The following RYR3 variants were observed in gnomAD, a reference collection of about 807,000 sequenced individuals.
The protein encoded by RYR3 is ryanodine receptor 3, also known as brain ryanodine receptor-calcium release channel.
Under a neutral mutation model 584.3 loss-of-function variants are expected in RYR3, and 207 were observed. The observed-to-expected ratio is 0.35, with a 90% CI of 0.32 to 0.40. The LOEUF is 0.40. Among genes scored for constraint, RYR3 ranks in the 10% least tolerant of loss-of-function variants. The pLI, the probability that RYR3 is intolerant of heterozygous loss-of-function variation, is 1.00. For missense variants in RYR3, 5,616 were observed against 6,089.2 expected, an observed-to-expected ratio of 0.92 and a Z score of 2.59; for synonymous variants, 2,416 against 2,248.5, an observed-to-expected ratio of 1.07 and a Z score of -2.11.
rs1167971587 is a variant in RYR3 at position 33,662,477 on chromosome 15, G to A, written c.4947G>A (p.Arg1649=). 6.2e-7 allele frequency: 1 copy of A among 1,613,990 alleles called. No homozygotes were observed. Among genetic ancestry groups the A allele is most frequent in the East Asian group, 2.2e-5 (1 of 44,888 alleles). The part of the protein sequence containing the change: ...NIRLFPDESK[R]HGLPGVGLRT... ...GCCTCTTCCCGGACGAGTCCAAGAG[G>A]CATGGACTGCCTGGGGTGGGCCTGA... is the stretch of plus-strand genomic sequence containing the variant. The change falls in exon 35 of 104, where the codon AGG becomes AGA. Residue 1649 remains arginine (R), a synonymous_variant. Coordinates refer to ENST00000634891, the MANE Select transcript of RYR3 (RefSeq NM_001036.6).
At chr15:33,340,357 G>C (rs933328023) in intron 1 of RYR3, among the ~76,000 whole-genome samples, 5 of 152,164 alleles carry the variant, frequency 3.3e-5, no homozygotes, top group African/African-American at 1.2e-4. Context: ...TGTTTCTTTT[G>C]ATGTTGGAGG....
intron 85 of RYR3, among the ~76,000 whole-genome samples, chr15:33,830,265 A>G (rs113025784): frequency 0.012 from 1,812 of 152,350 alleles, 48 homozygotes; most frequent in African/African-American, 0.041. Flanking sequence ...AACCTTCAGC[A>G]GCCACCACCC....
chr15:33,742,520 A>AC (rs2070251393), intron 52 of RYR3, 76 bp downstream of exon 52: 12 of 942,720 alleles, frequency 1.3e-5, no homozygotes, highest in Non-Finnish European at 1.7e-6. Flanking sequence ...CAGTCCTGGA[A>AC]ATCTGCCTGA....
At chr15:33,760,746 G>A (rs1220443414) in intron 60 of RYR3, among the ~76,000 whole-genome samples, 4 of 152,016 alleles carry the variant, frequency 2.6e-5, no homozygotes, top group East Asian at 1.9e-4. Context: ...TGGATCAAGC[G>A]GACTTAATAG....
Position 33,624,037 on chromosome 15 carries a change from GC to G in RYR3, c.2574+17del, listed in dbSNP as rs1330894378. 1 of 1,587,518 alleles carries G rather than the reference GC, an allele frequency of 6.3e-7. No individual in the cohort carries two copies. The highest frequency in any genetic ancestry group is 8.6e-7 in the Non-Finnish European group (1 of 1,157,008). ...GACACCAGTCAGGTAGGTTCAAATT[GC>G]CCGCAGAAGGCAACCAATATAGATG... is the stretch of plus-strand genomic sequence containing the variant. On this transcript the variant is annotated intron_variant, in intron 20 of 103. Transcript: ENST00000634891.
At chr15:33,436,245 G>C (rs1462842401) in intron 1 of RYR3, among the ~76,000 whole-genome samples, 1 of 151,888 alleles carries the variant, frequency 6.6e-6, no homozygotes, top group Non-Finnish European at 1.5e-5. Flanking sequence ...TTTCAAATCT[G>C]ATGGAGTGAA....
intron 27 of RYR3, among the ~76,000 whole-genome samples, chr15:33,639,252 A>G (rs2061666737): frequency 6.6e-6 from 1 of 152,232 alleles, no homozygotes; most frequent in Admixed American, 6.5e-5. Flanking sequence ...ATGCTGTTTA[A>G]TAATAGAATT....
At chr15:33,445,565 A>G (rs1440324784) in intron 1 of RYR3, among the ~76,000 whole-genome samples, 1 of 151,688 alleles carries the variant, frequency 6.6e-6, no homozygotes, top group African/African-American at 2.4e-5. Context: ...ATTCTGGGGA[A>G]CCTACACTTC....
At chr15:33,552,368 A>G (rs945188102) in intron 10 of RYR3, among the ~76,000 whole-genome samples, 2 of 152,098 alleles carry the variant, frequency 1.3e-5, no homozygotes, top group African/African-American at 4.8e-5. Flanking sequence ...TCCATTGCTC[A>G]TCTCCCCAAG....
intron 12 of RYR3, among the ~76,000 whole-genome samples, chr15:33,578,317 CT>C (rs2058405401): frequency 6.6e-6 from 1 of 152,068 alleles, no homozygotes; most frequent in Non-Finnish European, 1.5e-5. Context: ...CATATGTTCG[CT>C]GAAGCTCTAG....
chr15:33,613,433 C>G, intron 19 of RYR3, 58 bp downstream of exon 19: 1 of 1,501,868 alleles, frequency 6.7e-7, no homozygotes, highest in South Asian at 1.3e-5. Context: ...CCCGCCACCA[C>G]TGTGAGCTGC....
chr15:33,396,197 G>C (rs1274617446), intron 1 of RYR3, among the ~76,000 whole-genome samples: 1 of 152,108 alleles, frequency 6.6e-6, no homozygotes, highest in Non-Finnish European at 1.5e-5. Flanking sequence ...ACCTATTCTG[G>C]CCCAGAATAG....
chr15:33,768,611 T>C (rs1207190094), intron 60 of RYR3, 47 bp from the exon 61 acceptor site: 3 of 1,565,472 alleles, frequency 1.9e-6, no homozygotes, highest in Admixed American at 3.3e-5. Flanking sequence ...AAAGCGTGAG[T>C]CCTTTAATCT....
At chr15:33,800,231 CAT>C (rs749529912) in intron 67 of RYR3, among the ~76,000 whole-genome samples, 4 of 152,120 alleles carry the variant, frequency 2.6e-5, no homozygotes, top group Non-Finnish European at 5.9e-5. Context: ...CAGCGAAAAA[CAT>C]ATTATCTTAC....
At chr15:33,729,587 G>A (rs943923797) in intron 47 of RYR3, among the ~76,000 whole-genome samples, 2 of 152,088 alleles carry the variant, frequency 1.3e-5, no homozygotes, top group Admixed American at 6.6e-5. Context: ...GAGGACAAAG[G>A]CAAATATAAG....
chr15:33,348,156 A>G (rs77459123), intron 1 of RYR3, among the ~76,000 whole-genome samples: 11,996 of 151,780 alleles, frequency 0.079, 559 homozygotes, highest in Middle Eastern at 0.12. Context: ...TATAAATTCT[A>G]CTCCCGCAGT....
intron 81 of RYR3, among the ~76,000 whole-genome samples, chr15:33,824,294 A>T (rs905491318): frequency 1.3e-5 from 2 of 152,246 alleles, no homozygotes; most frequent in African/African-American, 4.8e-5. Flanking sequence ...TTCTAACAGA[A>T]GTTTTAAGAT....
chr15:33,453,062 GGTTT>G (rs372514931), intron 1 of RYR3, among the ~76,000 whole-genome samples: 81,428 of 151,890 alleles, frequency 0.54, 21,875 homozygotes, highest in Middle Eastern at 0.61. Flanking sequence ...TTGAAACTAG[GGTTT>G]TTTTCCTTAG....
At chr15:33,792,307 A>G (rs927196841) in intron 67 of RYR3, among the ~76,000 whole-genome samples, 5 of 152,150 alleles carry the variant, frequency 3.3e-5, no homozygotes, top group African/African-American at 1.2e-4. Flanking sequence ...AGAGCACAAT[A>G]TAATGAACTT....
Sources: gnomAD v4.1 joint callset for allele counts (sites outside exome capture counted in the v4.1 genomes callset) on GRCh38, gnomAD v4.1.1 for gene constraint, MANE v1.5 for transcripts, NCBI Gene and HGNC (gene_info 2026-07-23, HGNC 2026-07-21) for gene names.